The following CSMD1 variants were observed in gnomAD, a reference collection of about 807,000 sequenced individuals.
The protein encoded by CSMD1 is CUB and sushi domain-containing protein 1.
CSMD1 carries 213 observed loss-of-function variants against 417.5 expected under a neutral mutation model. That is an observed-to-expected ratio of 0.51 (90% CI 0.46 to 0.57). The LOEUF (loss-of-function observed/expected upper bound fraction) is 0.57, where lower values mean the gene tolerates loss of function less well. Among genes scored for constraint, CSMD1 ranks in the 20% least tolerant of loss-of-function variants. The probability of loss-of-function intolerance (pLI) is 0.00; values close to 1 mark genes in which losing one functional copy is unlikely to be tolerated. For synonymous variants in CSMD1, 2,862 were observed against 1,736.8 expected (o/e 1.65, Z -16.11); for missense variants, 6,923 against 4,529.7 (o/e 1.53, Z -15.17).
chr8:4,196,478 G>A (rs375770453), intron 3 of CSMD1, among the ~76,000 whole-genome samples: 1 of 152,100 alleles, frequency 6.6e-6, no homozygotes, highest in Non-Finnish European at 1.5e-5. Flanking sequence ...CGATTCAGGT[G>A]CTTTTAGAAT....
At chr8:3,495,494 G>A (rs1411321822) in intron 10 of CSMD1, among the ~76,000 whole-genome samples, 1 of 152,220 alleles carries the variant, frequency 6.6e-6, no homozygotes, top group Non-Finnish European at 1.5e-5. Flanking sequence ...GGCAAAGGTA[G>A]ACAGAGAAAG....
At chr8:3,756,784 A>C (rs1797684256) in intron 5 of CSMD1, among the ~76,000 whole-genome samples, 3 of 151,520 alleles carry the variant, frequency 2.0e-5, no homozygotes, top group Admixed American at 1.3e-4. Flanking sequence ...TTCTGACTGA[A>C]AAAACCAGGT....
chr8:4,090,393 C>G (rs1301675191), intron 3 of CSMD1, among the ~76,000 whole-genome samples: 1 of 152,178 alleles, frequency 6.6e-6, no homozygotes, highest in Non-Finnish European at 1.5e-5. Flanking sequence ...TCCACTCTTA[C>G]TCCTTTTTAA....
chr8:4,080,812 C>G (rs771571280), intron 3 of CSMD1, among the ~76,000 whole-genome samples: 7 of 152,112 alleles, frequency 4.6e-5, no homozygotes, highest in Admixed American at 4.6e-4. Context: ...GATCAGATAG[C>G]TAGATAAAAA....
chr8:3,308,294 G>A lies in CSMD1; in HGVS notation c.3823+18C>T, dbSNP rs1016101533. 2.1e-5 allele frequency: 33 copies of A among 1,587,518 alleles called. No homozygotes were observed. The Admixed American group carries it at 4.9e-4, about 23-fold the overall frequency. ...AGGCCTGGCTTTTGCACAATGGTAT[G>A]ACTGCTTCCACACTCACCTATGCAC... On this transcript the variant is annotated intron_variant, in intron 24 of 69. Coordinates refer to ENST00000635120, the MANE Select transcript of CSMD1 (RefSeq NM_033225.6).
intron 49 of CSMD1, among the ~76,000 whole-genome samples, chr8:3,086,744 GA>G (rs1025108530): frequency 1.3e-5 from 2 of 152,040 alleles, no homozygotes; most frequent in Non-Finnish European, 2.9e-5. Flanking sequence ...CTAAAATAAA[GA>G]AAATGAGTTT....
At chr8:3,241,056 T>A (rs746653408) in intron 26 of CSMD1, among the ~76,000 whole-genome samples, 56 of 147,908 alleles carry the variant, frequency 3.8e-4, no homozygotes, top group Non-Finnish European at 5.7e-4. Context: ...CTCATACTTG[T>A]GGGTTAAGGT....
intron 6 of CSMD1, among the ~76,000 whole-genome samples, chr8:3,753,717 A>G (rs1195816873): frequency 6.6e-6 from 1 of 152,228 alleles, no homozygotes; most frequent in Non-Finnish European, 1.5e-5. Flanking sequence ...GTGTATCAAG[A>G]AACTATACAT....
At chr8:3,755,312 A>C (rs983906697) in intron 5 of CSMD1, among the ~76,000 whole-genome samples, 2 of 152,186 alleles carry the variant, frequency 1.3e-5, no homozygotes, top group African/African-American at 4.8e-5. Context: ...TGGACACGAA[A>C]ATACCTGTAT....
chr8:4,404,411 C>T (rs1371581590), intron 3 of CSMD1, among the ~76,000 whole-genome samples: 1 of 152,102 alleles, frequency 6.6e-6, no homozygotes, highest in Non-Finnish European at 1.5e-5. Flanking sequence ...GAAATTGTTT[C>T]AGTTAATCAT....
At chr8:4,869,799 C>A (rs968633789) in intron 1 of CSMD1, among the ~76,000 whole-genome samples, 1 of 152,138 alleles carries the variant, frequency 6.6e-6, no homozygotes, top group African/African-American at 2.4e-5. Context: ...TCTTTATTGT[C>A]TGCCTGATGT....
intron 3 of CSMD1, among the ~76,000 whole-genome samples, chr8:4,222,149 C>A (rs921802963): frequency 1.3e-5 from 2 of 151,972 alleles, no homozygotes; most frequent in South Asian, 4.2e-4. Context: ...CTTCACAGAG[C>A]CTTACCACCA....
intron 52 of CSMD1, among the ~76,000 whole-genome samples, chr8:3,004,658 A>G (rs556957922): frequency 1.3e-5 from 2 of 152,338 alleles, no homozygotes; most frequent in South Asian, 4.1e-4. Context: ...TTCAATTACT[A>G]CCACACTTCA....
intron 2 of CSMD1, among the ~76,000 whole-genome samples, chr8:4,479,979 AAT>A (rs1213992886): frequency 6.7e-6 from 1 of 150,360 alleles, no homozygotes; most frequent in African/African-American, 2.4e-5. Flanking sequence ...AAAAAAAAAA[AAT>A]AAAAAGTCAA....
chr8:4,125,079 G>A lies in CSMD1; in HGVS notation c.416-92980C>T, dbSNP rs115471068. On this transcript the variant is annotated intron_variant, in intron 3 of 69. Coordinates refer to ENST00000635120, the MANE Select transcript of CSMD1 (RefSeq NM_033225.6). ...GTAACACTCGCCGCTGCAGTCCACG[G>A]CTTCATTCCTTGAAGCCGGTGAGAC... Among the ~76,000 whole-genome samples the A allele has an allele frequency of 3.6e-3, 553 of 151,770 alleles. 2 individuals carry two copies. Among genetic ancestry groups the A allele is most frequent in the African/African-American group, 0.013 (528 of 41,376 alleles).
intron 10 of CSMD1, among the ~76,000 whole-genome samples, chr8:3,524,940 A>AG (rs1797693156): frequency 6.6e-6 from 1 of 152,170 alleles, no homozygotes; most frequent in African/African-American, 2.4e-5. Context: ...TAAAAAAAAA[A>AG]TGTTTCTAAA....
intron 1 of CSMD1, among the ~76,000 whole-genome samples, chr8:4,822,255 G>T (rs945140241): frequency 2.0e-5 from 3 of 152,106 alleles, no homozygotes; most frequent in Non-Finnish European, 2.9e-5. Flanking sequence ...TTGCTAACTA[G>T]AGGATCCGAT....
At chr8:3,801,454 T>C (rs1800456478) in intron 5 of CSMD1, among the ~76,000 whole-genome samples, 1 of 152,170 alleles carries the variant, frequency 6.6e-6, no homozygotes, top group Admixed American at 6.6e-5. Context: ...AGAAGGGCTA[T>C]CACTGGACAG....
At chr8:3,389,442 A>G (rs1811213788) in intron 17 of CSMD1, among the ~76,000 whole-genome samples, 1 of 152,148 alleles carries the variant, frequency 6.6e-6, no homozygotes, top group African/African-American at 2.4e-5. Flanking sequence ...CAAAATCAAG[A>G]CAAGAATTCC....
Sources: allele counts gnomAD v4.1 joint callset (sites outside exome capture counted in the v4.1 genomes callset), GRCh38; gene constraint gnomAD v4.1.1; transcripts MANE v1.5; gene names NCBI Gene and HGNC (gene_info 2026-07-23, HGNC 2026-07-21).